RUNX1T1: variants seen among roughly 807,000 people sequenced by gnomAD.
The protein encoded by RUNX1T1 is protein CBFA2T1.
In RUNX1T1, 4 loss-of-function variants were observed where a neutral mutation model predicts 62.8. That is an observed-to-expected ratio of 0.06 (90% CI 0.03 to 0.15). The LOEUF is 0.15. RUNX1T1 is among the 10% of genes least tolerant of loss of function. RUNX1T1 has a pLI of 1.00. For missense variants in RUNX1T1, 508 were observed against 754.3 expected, an observed-to-expected ratio of 0.67 and a Z score of 3.82; for synonymous variants, 291 against 286.0, an observed-to-expected ratio of 1.02 and a Z score of -0.18.
chr8:92,012,313 G>A (rs904828550), intron 3 of RUNX1T1, among the ~76,000 whole-genome samples: 4 of 152,142 alleles, frequency 2.6e-5, no homozygotes, highest in East Asian at 1.9e-4. Flanking sequence ...GGAGGCCAAG[G>A]TGGGAGTGTC....
intron 8 of RUNX1T1, among the ~76,000 whole-genome samples, chr8:91,981,292 A>T (rs1266582632): frequency 1.3e-5 from 2 of 151,912 alleles, no homozygotes; most frequent in African/African-American, 4.8e-5. Flanking sequence ...TAATTCAATC[A>T]TATGACAATC....
chr8:92,061,187 CA>C (rs1831978557), intron 1 of RUNX1T1, among the ~76,000 whole-genome samples: 1 of 152,086 alleles, frequency 6.6e-6, no homozygotes. Flanking sequence ...TTTTGTTTTA[CA>C]AAATTAACAT....
At chr8:91,986,470 A>G (rs1376430251) in intron 7 of RUNX1T1, 145 bp from the exon 9 acceptor site, 1 of 652,216 alleles carries the variant, frequency 1.5e-6, no homozygotes, top group Non-Finnish European at 2.7e-6. Context: ...CTATGACTAG[A>G]TTTGAAATTC....
In RUNX1T1 at chr8:91,970,043, T is replaced by TGTGTGTGTGTTGTGTGTG. The variant is rs11374252; in HGVS notation, c.1458+614_1458+615insCACACACAACACACACAC. Among the ~76,000 whole-genome samples the TGTGTGTGTGTTGTGTGTG allele has an allele frequency of 8.4e-3, 1,204 of 142,790 alleles. 10 individuals are homozygous for TGTGTGTGTGTTGTGTGTG. Among genetic ancestry groups the TGTGTGTGTGTTGTGTGTG allele is most frequent in the African/African-American group, 0.027 (1,021 of 37,792 alleles). 93.7% of individuals were successfully genotyped at this position (142,790 alleles called of 152,430 possible). ...CTGTGTGTGTGTGTGTGTGTGTGTG[T>TGTGTGTGTGTTGTGTGTG]TGTGTGTGTGTGTGTGAGAATTATT... On this transcript the variant is annotated intron_variant, in intron 10 of 10. Transcript: ENST00000396218.
At chr8:91,979,670 A>G (rs1814765296) in intron 8 of RUNX1T1, 1 of 314,632 alleles carries the variant, frequency 3.2e-6, no homozygotes, top group Non-Finnish European at 6.2e-6. Flanking sequence ...CACATCTATG[A>G]AGAGAGGAGA....
At chr8:92,090,741 G>A (rs1441944684) in intron 1 of RUNX1T1, among the ~76,000 whole-genome samples, 1 of 152,142 alleles carries the variant, frequency 6.6e-6, no homozygotes, top group Non-Finnish European at 1.5e-5. Context: ...CTAAAGCTCA[G>A]GCACAAAGTA....
chr8:92,057,860 T>C (rs2130518875), intron 1 of RUNX1T1, among the ~76,000 whole-genome samples: 1 of 152,242 alleles, frequency 6.6e-6, no homozygotes, highest in South Asian at 2.1e-4. Context: ...GAAATAGCTT[T>C]CAAGAAATAC....
chr8:91,991,561 CAAGTT>C, intron 6 of RUNX1T1, 73 bp downstream of exon 7: 2 of 1,447,466 alleles, frequency 1.4e-6, no homozygotes, highest in Non-Finnish European at 1.9e-6. Context: ...TTTCAAGCCT[CAAGTT>C]AAGTTCAGAA....
chr8:92,032,971 A>C (rs1421457843), intron 1 of RUNX1T1, among the ~76,000 whole-genome samples: 2 of 152,210 alleles, frequency 1.3e-5, no homozygotes, highest in Non-Finnish European at 2.9e-5. Context: ...ACAAAATGAT[A>C]GTTTTTTAAT....
chr8:92,019,889 T>C (rs1003393014), intron 1 of RUNX1T1, among the ~76,000 whole-genome samples: 3 of 152,222 alleles, frequency 2.0e-5, no homozygotes, highest in Non-Finnish European at 4.4e-5. Context: ...CATAGATTAT[T>C]TTTTTAATTC....
At chr8:92,017,478 A>G in intron 1 of RUNX1T1, 115 bp from the exon 3 acceptor site, 2 of 1,566,754 alleles carry the variant, frequency 1.3e-6, no homozygotes, top group Non-Finnish European at 1.7e-6. Flanking sequence ...TCTTCTATCA[A>G]TAAAATACAC....
chr8:92,035,876 T>C (rs6986430), intron 1 of RUNX1T1, among the ~76,000 whole-genome samples: 35,185 of 152,012 alleles, frequency 0.23, 4,299 homozygotes, highest in African/African-American at 0.3. Flanking sequence ...AGGAAAACCA[T>C]TGGGGAACCT....
intron 2 of RUNX1T1, 54 bp downstream of exon 3, chr8:92,017,172 A>T: frequency 1.5e-6 from 2 of 1,303,374 alleles, no homozygotes; most frequent in Non-Finnish European, 2.2e-6. Context: ...TTGCAGAAAA[A>T]AATTTAATTT....
At chr8:92,048,054 T>G (rs997794175) in intron 1 of RUNX1T1, among the ~76,000 whole-genome samples, 1 of 152,224 alleles carries the variant, frequency 6.6e-6, no homozygotes, top group Non-Finnish European at 1.5e-5. Flanking sequence ...ATAACTTGTG[T>G]ATGCTCAATA....
Position 92,049,155 on chromosome 8 carries a change from A to G in RUNX1T1, c.7+13391T>C, listed in dbSNP as rs1587311760. ...ATCCTGCAGAAGAGAATGAAAATAC[A>G]TATAAGGTGTGGACAGACAATATCT... is the stretch of plus-strand genomic sequence containing the variant. On this transcript the variant is annotated intron_variant, in intron 1 of 10. Transcript: ENST00000396218. Among the ~76,000 whole-genome samples, 6 of 152,336 alleles carry G rather than the reference A, an allele frequency of 3.9e-5. 1 individual carries two copies. Among genetic ancestry groups the G allele is most frequent in the Admixed American group, 3.9e-4 (6 of 15,302 alleles).
intron 1 of RUNX1T1, among the ~76,000 whole-genome samples, chr8:92,078,977 G>C (rs1283836045): frequency 1.3e-5 from 2 of 152,120 alleles, no homozygotes; most frequent in Non-Finnish European, 2.9e-5. Flanking sequence ...AATTTAATAG[G>C]ATGTAAAGAC....
intron 2 of RUNX1T1, among the ~76,000 whole-genome samples, chr8:92,071,545 G>A (rs1308801448): frequency 6.6e-6 from 1 of 151,866 alleles, no homozygotes; most frequent in East Asian, 1.9e-4. Context: ...TCCACAAGGG[G>A]AGAGCAGGGG....
intron 1 of RUNX1T1, among the ~76,000 whole-genome samples, chr8:92,060,185 A>G (rs1231614484): frequency 6.6e-6 from 1 of 152,158 alleles, no homozygotes; most frequent in Non-Finnish European, 1.5e-5. Flanking sequence ...AGTGACAGGT[A>G]GTAAAATGAT....
chr8:92,043,759 C>T (rs2130192663), intron 1 of RUNX1T1, among the ~76,000 whole-genome samples: 1 of 151,944 alleles, frequency 6.6e-6, no homozygotes. Context: ...GATGGATCAC[C>T]TGAGGTCAGA....
Sources: gnomAD v4.1 joint callset for allele counts (sites outside exome capture counted in the v4.1 genomes callset) on GRCh38, gnomAD v4.1.1 for gene constraint, MANE v1.5 for transcripts, NCBI Gene and HGNC (gene_info 2026-07-23, HGNC 2026-07-21) for gene names.